Variants in STRBP observed in about 807,000 individuals in gnomAD.
The protein encoded by STRBP is spermatid perinuclear RNA binding protein, also known as spermatid perinuclear RNA-binding protein.
STRBP carries 13 observed loss-of-function variants against 80.1 expected under a neutral mutation model. The ratio of observed to expected loss-of-function variants is 0.16; its 90% confidence interval spans 0.11 to 0.26. STRBP has a LOEUF of 0.26. Ranked by LOEUF, STRBP falls within the 10% of genes least tolerant of loss-of-function variation. STRBP has a pLI of 1.00. For synonymous variants in STRBP, 284 were observed against 291.2 expected, an observed-to-expected ratio of 0.98 and a Z score of 0.25; for missense variants, 485 against 815.2, an observed-to-expected ratio of 0.59 and a Z score of 4.93.
At chr9:123,193,406 TG>T (rs2038991901) in intron 2 of STRBP, among the ~76,000 whole-genome samples, 1 of 152,226 alleles carries the variant, frequency 6.6e-6, no homozygotes, top group Non-Finnish European at 1.5e-5. Context: ...AGGGAATTTC[TG>T]ACTCGTCCTC....
intron 11 of STRBP, among the ~76,000 whole-genome samples, chr9:123,152,315 C>T (rs1030017943): frequency 3.9e-5 from 6 of 151,988 alleles, no homozygotes; most frequent in Admixed American, 6.5e-5. Context: ...ACATTGAAGC[C>T]GAAACACAGG....
At chr9:123,111,117 T>A (rs1290147174) in intron 3 of STRBP, 2 of 167,250 alleles carry the variant, frequency 1.2e-5, no homozygotes, top group Non-Finnish European at 2.9e-5. Context: ...CCAGCTGCCA[T>A]CACTACCTTG....
chr9:123,242,385 A>C (rs1310468796), intron 1 of STRBP, among the ~76,000 whole-genome samples: 2 of 152,206 alleles, frequency 1.3e-5, no homozygotes, highest in Non-Finnish European at 2.9e-5. Context: ...ATAGCCAGGC[A>C]CGGTGGCTCA....
chr9:123,206,851 T>C (rs1406657917), intron 2 of STRBP, among the ~76,000 whole-genome samples: 1 of 152,156 alleles, frequency 6.6e-6, no homozygotes, highest in Non-Finnish European at 1.5e-5. Context: ...TTGGTCAGGC[T>C]GGTCTCGAAC....
At chr9:123,219,855 G>T (rs2040014304) in intron 2 of STRBP, among the ~76,000 whole-genome samples, 1 of 152,172 alleles carries the variant, frequency 6.6e-6, no homozygotes, top group African/African-American at 2.4e-5. Context: ...TCAAAGGAGG[G>T]ACACACTGCC....
intron 4 of STRBP, among the ~76,000 whole-genome samples, 163 bp from the exon 5 acceptor site, chr9:123,174,005 G>T (rs183203546): frequency 2.0e-5 from 3 of 152,162 alleles, no homozygotes; most frequent in Admixed American, 2.0e-4. Flanking sequence ...GGCTTATAAA[G>T]TATCTATCTT....
intron 5 of STRBP, among the ~76,000 whole-genome samples, chr9:123,172,645 AC>A (rs1434907178): frequency 6.6e-6 from 1 of 152,206 alleles, no homozygotes; most frequent in Non-Finnish European, 1.5e-5. Context: ...CAAAATTAAT[AC>A]AGGAGAATGT....
intron 1 of STRBP, among the ~76,000 whole-genome samples, chr9:123,262,877 TA>T (rs2132657925): frequency 6.6e-6 from 1 of 152,332 alleles, no homozygotes; most frequent in South Asian, 2.1e-4. Flanking sequence ...AACTAAAAGC[TA>T]TATTAAAGAT....
intron 1 of STRBP, among the ~76,000 whole-genome samples, chr9:123,241,480 G>A (rs528350637): frequency 2.0e-5 from 3 of 151,936 alleles, no homozygotes; most frequent in African/African-American, 4.8e-5. Flanking sequence ...CTGCACTCCA[G>A]CCAGGGTAAC....
intron 16 of STRBP, among the ~76,000 whole-genome samples, chr9:123,133,596 T>A (rs1362504829): frequency 6.6e-6 from 1 of 152,036 alleles, no homozygotes; most frequent in Non-Finnish European, 1.5e-5. Flanking sequence ...TGGAGTGCAA[T>A]GGTGCGATCT....
At chr9:123,133,196 C>T (rs1018070995) in intron 16 of STRBP, among the ~76,000 whole-genome samples, 1 of 152,086 alleles carries the variant, frequency 6.6e-6, no homozygotes, top group Non-Finnish European at 1.5e-5. Context: ...TGAGGGTTAT[C>T]CAGAAAGAGT....
At position 123,122,658 on chromosome 9, in the gene STRBP, G is replaced by C; in HGVS notation, c.*2939C>G. The C allele has an allele frequency of 9.8e-7, 1 of 1,018,730 alleles. No homozygotes were observed. The highest frequency in any genetic ancestry group is 1.2e-6 in the Non-Finnish European group (1 of 851,512). 63.1% of individuals were successfully genotyped at this position (1,018,730 alleles called of 1,614,324 possible). ...AAGAGATGGGGTACTCCTGCAGCCT[G>C]AAGAAACACAAGCTGCAAGCCACAT... On this transcript the variant is annotated 3_prime_UTR_variant, in exon 19 of 19. Transcript: ENST00000348403.
At chr9:123,176,426 T>C (rs931796221) in intron 4 of STRBP, among the ~76,000 whole-genome samples, 5 of 152,232 alleles carry the variant, frequency 3.3e-5, no homozygotes, top group Non-Finnish European at 7.3e-5. Flanking sequence ...TGAGTCCTGG[T>C]TCAACCACAC....
At chr9:123,179,319 CACTG>C (rs2038356234) in intron 3 of STRBP, 92 bp from the exon 4 acceptor site, 2 of 1,041,882 alleles carry the variant, frequency 1.9e-6, no homozygotes, top group South Asian at 1.6e-5. Flanking sequence ...CAACCCATAG[CACTG>C]ACTGTCTACT....
chr9:123,185,117 C>T (rs2038644114), intron 2 of STRBP, among the ~76,000 whole-genome samples: 1 of 150,992 alleles, frequency 6.6e-6, no homozygotes, highest in Non-Finnish European at 1.5e-5. Context: ...AAAACCAGAA[C>T]ATCAAAATAC....
At chr9:123,188,654 A>T (rs1247025948) in intron 2 of STRBP, among the ~76,000 whole-genome samples, 1 of 152,202 alleles carries the variant, frequency 6.6e-6, no homozygotes, top group African/African-American at 2.4e-5. Flanking sequence ...AAATAAAAAT[A>T]AAAATCTCAA....
chr9:123,124,669 ATATCT>A lies in STRBP; in HGVS notation c.*923_*927del. On this transcript the variant is annotated 3_prime_UTR_variant, in exon 19 of 19. Transcript: ENST00000348403. ...TGAAAAAAGCCAGGGAGTGAACACA[ATATCT>A]TACAGAGTGAAGAAGGCCACAAGAA... The A allele has an allele frequency of 1.0e-6, 1 of 985,490 alleles. No homozygotes were observed. The highest frequency in any genetic ancestry group is 1.2e-6 in the Non-Finnish European group (1 of 829,948). The allele number at this position is 985,490 out of a possible 1,614,324, so 61.0% of individuals were successfully genotyped here.
In STRBP at chr9:123,136,676, T is replaced by C. The variant is rs2036366237; in HGVS notation, c.1498-161A>G. Among the ~76,000 whole-genome samples the C allele has an allele frequency of 1.3e-5, 2 of 152,164 alleles. No homozygotes were observed. Among genetic ancestry groups the C allele is most frequent in the Non-Finnish European group, 2.9e-5 (2 of 68,030 alleles). On this transcript the variant is annotated intron_variant, in intron 14 of 18. Coordinates refer to ENST00000348403, the MANE Select transcript of STRBP (RefSeq NM_018387.5). The surrounding 1 kb of genome is among the most constrained non-coding windows in gnomAD (Gnocchi z 4.2). The stretch of plus-strand genomic sequence containing the variant: ...CTTTACACAAATGGCAAAATATCAT[T>C]AAAGCTGTAAAAACTCTACAAGCAG...
intron 3 of STRBP, chr9:123,112,670 CG>C (rs997643954): frequency 4.8e-5 from 8 of 167,412 alleles, no homozygotes; most frequent in Non-Finnish European, 4.4e-5. Context: ...CGCCTGACGT[CG>C]GGCCCGGCCC....
Sources: gnomAD v4.1 joint callset for allele counts (sites outside exome capture counted in the v4.1 genomes callset) on GRCh38, gnomAD v4.1.1 for gene constraint, Gnocchi (gnomAD v3.1) non-coding constraint, MANE v1.5 for transcripts, NCBI Gene and HGNC (gene_info 2026-07-23, HGNC 2026-07-21) for gene names.